The following STK24 variants were observed in gnomAD, a reference collection of about 807,000 sequenced individuals.
The protein encoded by STK24 is serine/threonine kinase 24, also known as serine/threonine-protein kinase 24.
STK24 carries 21 observed loss-of-function variants against 55.6 expected under a neutral mutation model. The ratio of observed to expected loss-of-function variants is 0.38; its 90% confidence interval spans 0.27 to 0.54. The LOEUF is 0.54. STK24 is among the 20% of genes least tolerant of loss of function. The probability of loss-of-function intolerance (pLI) is 0.79; values close to 1 mark genes in which losing one functional copy is unlikely to be tolerated. For synonymous variants in STK24, 200 were observed against 215.2 expected, an observed-to-expected ratio of 0.93 and a Z score of 0.62; for missense variants, 383 against 538.4, an observed-to-expected ratio of 0.71 and a Z score of 2.86.
At position 98,466,231 on chromosome 13, in the gene STK24, G is replaced by C. The variant is rs373327517; in HGVS notation, c.783+145C>G. Reference sequence around the variant, plus strand: ...TAAAATGTATTTGCAAACCAAAGAAGTCAATCATACTTACTTAGAAAAAGA... The same window carrying C: ...TAAAATGTATTTGCAAACCAAAGAACTCAATCATACTTACTTAGAAAAAGA... On this transcript the variant is annotated intron_variant, in intron 6 of 10. Coordinates refer to ENST00000539966, the MANE Select transcript of STK24 (RefSeq NM_001032296.4). The C allele has an allele frequency of 5.8e-4, 405 of 693,096 alleles. 2 individuals are homozygous for C. In the South Asian group the frequency reaches 0.017, roughly 29 times the overall value. The allele number at this position is 693,096 out of a possible 1,614,324, so 42.9% of individuals were successfully genotyped here. A position where few individuals can be genotyped will look rare whatever the true frequency, so the allele number is the denominator to read the frequency against.
chr13:98,479,590 G>A (rs1430964028), intron 3 of STK24, among the ~76,000 whole-genome samples: 2 of 152,102 alleles, frequency 1.3e-5, no homozygotes, highest in Non-Finnish European at 2.9e-5. Context: ...GATACGTGGG[G>A]CCCGAGATTT....
intron 2 of STK24, among the ~76,000 whole-genome samples, chr13:98,511,158 C>T (rs532659012): frequency 2.0e-5 from 3 of 152,156 alleles, no homozygotes; most frequent in Admixed American, 6.5e-5. Flanking sequence ...CCACTGTGCC[C>T]GGCCCCATAT....
intron 1 of STK24, among the ~76,000 whole-genome samples, chr13:98,553,000 G>A (rs1337967846): frequency 6.6e-6 from 1 of 152,136 alleles, no homozygotes; most frequent in Non-Finnish European, 1.5e-5. Context: ...CTCATCAGCT[G>A]TGACAAACGT....
At chr13:98,487,125 G>A (rs978831621) in intron 2 of STK24, among the ~76,000 whole-genome samples, 3 of 152,156 alleles carry the variant, frequency 2.0e-5, no homozygotes, top group Non-Finnish European at 2.9e-5. Flanking sequence ...AATGATTCAC[G>A]TATTCTGCAC....
rs1346107075 is a variant in STK24, at chr13:98,445,734, C to G, written c.*7439G>C. Reference sequence around the variant, plus strand: ...CAAGGTGGCTCTTCTCCTCAGGACACCACTCCCGTTGGATTTAGGGCCCAC... The same window carrying G: ...CAAGGTGGCTCTTCTCCTCAGGACAGCACTCCCGTTGGATTTAGGGCCCAC... On this transcript the variant is annotated 3_prime_UTR_variant, in exon 11 of 11. Coordinates refer to ENST00000539966, the MANE Select transcript of STK24 (RefSeq NM_001032296.4). 3 of 169,100 alleles carry G rather than the reference C, an allele frequency of 1.8e-5. No individual in the cohort carries two copies. The highest frequency in any genetic ancestry group is 3.8e-5 in the Non-Finnish European group (3 of 78,386). 10.5% of individuals were successfully genotyped at this position (169,100 alleles called of 1,614,324 possible).
intron 1 of STK24, chr13:98,553,810 C>G (rs113988981): frequency 0.021 from 3,237 of 152,282 alleles, 54 homozygotes; most frequent in East Asian, 0.066. Context: ...ACCTGTAATC[C>G]CAGCACTTTA....
chr13:98,543,174 A>G (rs935526290), intron 1 of STK24: 3 of 249,318 alleles, frequency 1.2e-5, no homozygotes, highest in African/African-American at 6.9e-5. Context: ...AAGTGTCCCC[A>G]CAGAGTTGTT....
intron 1 of STK24, among the ~76,000 whole-genome samples, chr13:98,563,645 T>A (rs1401071091): frequency 6.6e-6 from 1 of 151,656 alleles, no homozygotes; most frequent in Non-Finnish European, 1.5e-5. Flanking sequence ...GATCACGAGG[T>A]CAGGAGATCG....
intron 1 of STK24, among the ~76,000 whole-genome samples, chr13:98,526,355 C>T (rs1896429129): frequency 6.6e-6 from 1 of 152,140 alleles, no homozygotes; most frequent in Non-Finnish European, 1.5e-5. Context: ...TGAGGGTGTA[C>T]TTGTTCCAGG....
chr13:98,453,939 T>TA (rs1893325073), intron 10 of STK24: 1 of 152,200 alleles, frequency 6.6e-6, no homozygotes, highest in South Asian at 2.1e-4. Flanking sequence ...GCATTATACT[T>TA]ACCAGTGTGC....
At chr13:98,534,400 G>A (rs768502396) in intron 1 of STK24, among the ~76,000 whole-genome samples, 8 of 152,110 alleles carry the variant, frequency 5.3e-5, no homozygotes, top group Non-Finnish European at 7.3e-5. Context: ...AACTAACTTC[G>A]GGAGGAACTT....
chr13:98,487,018 A>C (rs1261573791), intron 2 of STK24, among the ~76,000 whole-genome samples: 4 of 152,252 alleles, frequency 2.6e-5, no homozygotes, highest in African/African-American at 9.6e-5. Context: ...AGCTTTATCA[A>C]CATCATCACC....
intron 1 of STK24, chr13:98,521,689 A>G (rs1188180929): frequency 2.8e-6 from 2 of 724,120 alleles, no homozygotes; most frequent in Non-Finnish European, 5.2e-6. Flanking sequence ...ATGCGGGGGA[A>G]GCAGCGCATC....
chr13:98,508,775 T>C (rs1325690547), intron 2 of STK24: 2 of 152,218 alleles, frequency 1.3e-5, no homozygotes, highest in Non-Finnish European at 2.9e-5. Flanking sequence ...TACCACAAAC[T>C]AACCTTCAGG....
At chr13:98,568,967 G>A (rs771336990) in intron 1 of STK24, among the ~76,000 whole-genome samples, 2 of 152,144 alleles carry the variant, frequency 1.3e-5, no homozygotes, top group African/African-American at 2.4e-5. Flanking sequence ...AAAATGGAAG[G>A]GGGGAGGGGA....
chr13:98,545,874 C>T lies in STK24; in HGVS notation c.43-26401G>A, dbSNP rs922613302. ...AAACAATTCTTTCCATAGGGAAAACCGACAAAATGAAAATACAAAAAAAGA... is the reference window on the plus strand; with the variant it reads ...AAACAATTCTTTCCATAGGGAAAACTGACAAAATGAAAATACAAAAAAAGA... On this transcript the variant is annotated intron_variant, in intron 1 of 10. Coordinates refer to ENST00000539966, the MANE Select transcript of STK24 (RefSeq NM_001032296.4). Among the ~76,000 whole-genome samples, 4 of 151,778 alleles carry T rather than the reference C, an allele frequency of 2.6e-5. No individual in the cohort carries two copies. The South Asian group carries it at 6.3e-4, about 24-fold the overall frequency.
Position 98,448,318 on chromosome 13 carries a change from T to C in STK24, c.*4855A>G. On this transcript the variant is annotated 3_prime_UTR_variant, in exon 11 of 11. Coordinates refer to ENST00000539966, the MANE Select transcript of STK24 (RefSeq NM_001032296.4). Reference sequence around the variant, plus strand: ...TCACAAAGAGTCTCTTGTGTATTGATGGCCGGACACACTCGTTTCCGCAGT... The same window carrying C: ...TCACAAAGAGTCTCTTGTGTATTGACGGCCGGACACACTCGTTTCCGCAGT... The C allele has an allele frequency of 6.2e-7, 1 of 1,610,488 alleles. No individual in the cohort carries two copies. Among genetic ancestry groups the C allele is most frequent in the South Asian group, 1.1e-5 (1 of 91,012 alleles).
At chr13:98,478,041 TG>T (rs1175191664) in intron 3 of STK24, among the ~76,000 whole-genome samples, 7 of 152,130 alleles carry the variant, frequency 4.6e-5, no homozygotes, top group Non-Finnish European at 1.5e-5. Context: ...TCTCCTTACT[TG>T]GGGGGAAATC....
intron 1 of STK24, among the ~76,000 whole-genome samples, chr13:98,530,161 TTC>T (rs1233083954): frequency 2.0e-5 from 3 of 152,030 alleles, no homozygotes; most frequent in African/African-American, 4.8e-5. Flanking sequence ...ACATGACAGT[TTC>T]TGTCTGTGGC....
Sources: gnomAD v4.1 joint callset for allele counts (sites outside exome capture counted in the v4.1 genomes callset) on GRCh38, gnomAD v4.1.1 for gene constraint, MANE v1.5 for transcripts, NCBI Gene and HGNC (gene_info 2026-07-23, HGNC 2026-07-21) for gene names.